FHIT: variants seen among roughly 807,000 people sequenced by gnomAD.
FHIT encodes the protein fragile histidine triad diadenosine triphosphatase.
Under a neutral mutation model 17.9 loss-of-function variants are expected in FHIT, and 19 were observed. The ratio of observed to expected loss-of-function variants is 1.06; its 90% CI spans 0.74 to 1.56. The LOEUF is 1.56. Among genes scored for constraint, FHIT ranks in the 40% most tolerant of loss-of-function variants. The pLI, the probability that FHIT is intolerant of heterozygous loss-of-function variation, is 0.00. For synonymous variants in FHIT, 81 were observed against 69.7 expected (o/e 1.16, Z -0.81); for missense variants, 248 against 189.2 (o/e 1.31, Z -1.82).
At chr3:60,071,579 T>C (rs952826989) in intron 5 of FHIT, among the ~76,000 whole-genome samples, 7 of 152,160 alleles carry the variant, frequency 4.6e-5, no homozygotes, top group East Asian at 1.9e-4. Context: ...GCAGCTTGTA[T>C]AGCATCTCTG....
intron 5 of FHIT, among the ~76,000 whole-genome samples, chr3:60,150,905 C>T (rs570356142): frequency 1.1e-3 from 169 of 149,146 alleles, no homozygotes; most frequent in African/African-American, 3.9e-3. Flanking sequence ...GGTGACAGAG[C>T]TAGACTCCGC....
chr3:60,843,841 T>C (rs1287098395), intron 3 of FHIT, among the ~76,000 whole-genome samples: 1 of 152,144 alleles, frequency 6.6e-6, no homozygotes, highest in Non-Finnish European at 1.5e-5. Flanking sequence ...CGCAGGTAAC[T>C]ATAGGTGGGC....
At position 59,895,191 on chromosome 3, in the gene FHIT, G is replaced by C. The variant is rs572382224; in HGVS notation, c.348+27155C>G. ...CTGAATCTTCGGGTACAAAATGTCA[G>C]TAGTGCCAAGACTGAGAAATCCTGG... On this transcript the variant is annotated intron_variant, in intron 8 of 9. Coordinates refer to ENST00000492590, the MANE Select transcript of FHIT (RefSeq NM_002012.4). Among the ~76,000 whole-genome samples, 4 of 152,344 alleles carry C rather than the reference G, an allele frequency of 2.6e-5. No homozygotes were observed. The South Asian group carries it at 8.3e-4, about 32-fold the overall frequency.
At chr3:60,484,394 G>T (rs577326238) in intron 5 of FHIT, among the ~76,000 whole-genome samples, 1 of 152,170 alleles carries the variant, frequency 6.6e-6, no homozygotes, top group Admixed American at 6.5e-5. Context: ...AAAGCTGGAG[G>T]TATCAGGCTA....
At chr3:60,085,797 CA>C (rs1703469899) in intron 5 of FHIT, among the ~76,000 whole-genome samples, 1 of 152,184 alleles carries the variant, frequency 6.6e-6, no homozygotes, top group Admixed American at 6.5e-5. Context: ...CATTTGTATA[CA>C]GGCAATTCTG....
At chr3:60,975,993 C>A (rs752019331) in intron 3 of FHIT, among the ~76,000 whole-genome samples, 1 of 151,656 alleles carries the variant, frequency 6.6e-6, no homozygotes, top group African/African-American at 2.4e-5. Flanking sequence ...ATTCTTAGAC[C>A]GTTTATTAAC....
chr3:60,982,083 T>A (rs1710521682), intron 3 of FHIT, among the ~76,000 whole-genome samples: 1 of 152,234 alleles, frequency 6.6e-6, no homozygotes, highest in Admixed American at 6.5e-5. Flanking sequence ...TTCCAGTTCA[T>A]TCTGCACAAA....
rs1482917362 is a variant in FHIT at position 60,027,137 on chromosome 3, ACACACAC to A, written c.104-12992_104-12986del. On this transcript the variant is annotated intron_variant, in intron 5 of 9. Transcript: ENST00000492590. ...CACACACACACACACACACACACAC[ACACACAC>A]ACACAAAATTAGTAAACCCAATAAT... is the stretch of plus-strand genomic sequence containing the variant. 1.7e-3 allele frequency among the ~76,000 whole-genome samples: 192 copies of A among 116,140 alleles called. 3 individuals are homozygous for A. Among genetic ancestry groups the A allele is most frequent in the South Asian group, 0.011 (35 of 3,210 alleles). 76.2% of individuals were successfully genotyped at this position (116,140 alleles called of 152,430 possible). A position where few individuals can be genotyped will look rare whatever the true frequency, so the allele number is the denominator to read the frequency against.
At chr3:59,760,520 G>A (rs1380797091) in intron 8 of FHIT, among the ~76,000 whole-genome samples, 3 of 151,414 alleles carry the variant, frequency 2.0e-5, no homozygotes, top group Non-Finnish European at 2.9e-5. Flanking sequence ...CACGAACCAA[G>A]GTGGGCATTT....
chr3:60,623,768 C>T (rs892714697), intron 4 of FHIT, among the ~76,000 whole-genome samples: 1 of 152,110 alleles, frequency 6.6e-6, no homozygotes, highest in African/African-American at 2.4e-5. Context: ...CTCGTTTCGG[C>T]GTGTCTTCAG....
At chr3:60,415,021 C>T (rs1702193038) in intron 5 of FHIT, among the ~76,000 whole-genome samples, 2 of 151,688 alleles carry the variant, frequency 1.3e-5, no homozygotes, top group Non-Finnish European at 1.5e-5. Context: ...CTCAGAGTTT[C>T]TGATGGAATC....
At chr3:60,183,996 T>C (rs996148428) in intron 5 of FHIT, among the ~76,000 whole-genome samples, 4 of 59,750 alleles carry the variant, frequency 6.7e-5, no homozygotes, top group East Asian at 2.2e-3. Flanking sequence ...AATTTATTTT[T>C]CGTTTTTTTT....
rs575482768 is a variant in FHIT at position 61,035,614 on chromosome 3, C to A, written c.-111+6433G>T. Among the ~76,000 whole-genome samples, 25 of 152,138 alleles carry A rather than the reference C, an allele frequency of 1.6e-4. No homozygotes were observed. The South Asian group carries it at 4.8e-3, about 29-fold the overall frequency. On this transcript the variant is annotated intron_variant, in intron 3 of 9. Coordinates refer to ENST00000492590, the MANE Select transcript of FHIT (RefSeq NM_002012.4). ...TCTGCATCTAATTAGCTGGTAATCTCGGGAGAAATTATTTAAATTAGCTTG... is the reference window on the plus strand; with the variant it reads ...TCTGCATCTAATTAGCTGGTAATCTAGGGAGAAATTATTTAAATTAGCTTG...
intron 5 of FHIT, among the ~76,000 whole-genome samples, chr3:60,262,496 T>C (rs1023893604): frequency 1.5e-4 from 23 of 152,126 alleles, no homozygotes; most frequent in African/African-American, 4.3e-4. Flanking sequence ...TGAAGAGAAC[T>C]ACCCTTCCCC....
At chr3:61,202,158 C>A (rs960628972) in intron 1 of FHIT, among the ~76,000 whole-genome samples, 1 of 152,040 alleles carries the variant, frequency 6.6e-6, no homozygotes, top group Non-Finnish European at 1.5e-5. Context: ...AAGTGAGAAG[C>A]GCCTCTGCTC....
chr3:60,038,815 A>G (rs1251774942), intron 5 of FHIT, among the ~76,000 whole-genome samples: 1 of 152,212 alleles, frequency 6.6e-6, no homozygotes. Context: ...CAAAGCCAAA[A>G]CTGAACAACA....
At chr3:59,835,470 G>A (rs1413433612) in intron 8 of FHIT, among the ~76,000 whole-genome samples, 1 of 152,098 alleles carries the variant, frequency 6.6e-6, no homozygotes, top group Non-Finnish European at 1.5e-5. Context: ...AAAGAAGAAG[G>A]CCTTTATGCT....
intron 1 of FHIT, among the ~76,000 whole-genome samples, chr3:61,212,240 G>A (rs1021181172): frequency 2.6e-5 from 4 of 152,092 alleles, no homozygotes; most frequent in Non-Finnish European, 5.9e-5. Context: ...AGACAAAGAA[G>A]TTAAAAACTT....
chr3:60,691,055 G>C (rs2040977313), intron 4 of FHIT, among the ~76,000 whole-genome samples: 1 of 152,120 alleles, frequency 6.6e-6, no homozygotes. Flanking sequence ...TTACCAAGTT[G>C]AAATGATATA....
Sources: allele counts gnomAD v4.1 joint callset (sites outside exome capture counted in the v4.1 genomes callset), GRCh38; gene constraint gnomAD v4.1.1; transcripts MANE v1.5; gene names NCBI Gene and HGNC (gene_info 2026-07-23, HGNC 2026-07-21).